Variants in NTPCR observed in about 807,000 individuals in gnomAD.
NTPCR encodes the protein cancer-related nucleoside-triphosphatase.
A neutral mutation model predicts 19.5 loss-of-function variants in NTPCR; 15 were observed. That is an observed-to-expected ratio of 0.77 (90% CI 0.51 to 1.18). The LOEUF (loss-of-function observed/expected upper bound fraction) is 1.18, where lower values mean the gene tolerates loss of function less well. Among genes scored for constraint, NTPCR ranks in the 50% most tolerant of loss-of-function variants. NTPCR has a pLI of 0.00. For synonymous variants in NTPCR, 90 were observed against 95.8 expected (o/e 0.94, Z 0.36); for missense variants, 206 against 240.4 (o/e 0.86, Z 0.95).
chr1:232,961,709 C>T (rs12027562), intron 3 of NTPCR, among the ~76,000 whole-genome samples: 41,346 of 151,884 alleles, frequency 0.27, 5,700 homozygotes, highest in African/African-American at 0.32. Flanking sequence ...TATATTTCTT[C>T]TTCTGCATGC....
intron 1 of NTPCR, among the ~76,000 whole-genome samples, chr1:232,951,588 C>T (rs1668367657): frequency 6.6e-6 from 1 of 152,214 alleles, no homozygotes; most frequent in African/African-American, 2.4e-5. Flanking sequence ...ATTTCTTCAG[C>T]TCCTTTGCAA....
chr1:232,956,891 G>A (rs970519836), intron 3 of NTPCR, among the ~76,000 whole-genome samples: 1 of 152,054 alleles, frequency 6.6e-6, no homozygotes, highest in African/African-American at 2.4e-5. Context: ...AAACTTTATT[G>A]ACATCTTACG....
chr1:232,964,134 C>A (rs1558129957), intron 3 of NTPCR: 1 of 152,194 alleles, frequency 6.6e-6, no homozygotes, highest in Non-Finnish European at 1.5e-5. Context: ...GTTGTCACAT[C>A]TCCATAGCCT....
At position 232,955,504 on chromosome 1, in the gene NTPCR, G is replaced by A. The variant is rs1668483562; in HGVS notation, c.35-53G>A. 7 of 1,448,476 alleles carry A rather than the reference G, an allele frequency of 4.8e-6. No individual in the cohort carries two copies. In the East Asian group the frequency reaches 1.7e-4, roughly 36 times the overall value. The allele number at this position is 1,448,476 out of a possible 1,614,324, so 89.7% of individuals were successfully genotyped here. On this transcript the variant is annotated intron_variant, in intron 1 of 4. Transcript: ENST00000366628. ...CAAGTGCTGTGTGTGCTCTAGTAAG[G>A]GAATGTTTCCTAATGGGCTTTTCTT... is the stretch of plus-strand genomic sequence containing the variant.
intron 3 of NTPCR, chr1:232,962,985 C>A (rs1317073134): frequency 6.6e-6 from 1 of 152,152 alleles, no homozygotes; most frequent in Non-Finnish European, 1.5e-5. Context: ...TGTAGAAAAA[C>A]CAAGTTCTAG....
chr1:232,970,200 G>C, intron 4 of NTPCR, 82 bp downstream of exon 4: 2 of 1,154,430 alleles, frequency 1.7e-6, no homozygotes. Flanking sequence ...TATCTCTTTG[G>C]TTTTGAGTTA....
At position 232,983,382 on chromosome 1, in the gene NTPCR, A is replaced by T. The variant is rs775048761; in HGVS notation, c.*5151A>T. 2.6e-5 allele frequency: 4 copies of T among 152,232 alleles called. No individual in the cohort carries two copies. The highest frequency in any genetic ancestry group is 4.4e-5 in the Non-Finnish European group (3 of 68,046). 9.4% of individuals were successfully genotyped at this position (152,232 alleles called of 1,614,324 possible). ...AAATGTCGTTCTCACCATAAAAGAT[A>T]TACTTGTAGAAATGAGAAGCTTCAG... is the stretch of plus-strand genomic sequence containing the variant. On this transcript the variant is annotated 3_prime_UTR_variant, in exon 5 of 5. Transcript: ENST00000366628.
intron 3 of NTPCR, among the ~76,000 whole-genome samples, chr1:232,957,309 G>A (rs1336489040): frequency 6.6e-6 from 1 of 152,160 alleles, no homozygotes; most frequent in Non-Finnish European, 1.5e-5. Context: ...ATTCACTAGA[G>A]AAGCCATGTG....
At chr1:232,976,303 T>C in intron 4 of NTPCR, 1 of 1,447,772 alleles carries the variant, frequency 6.9e-7, no homozygotes, top group South Asian at 1.5e-5. Flanking sequence ...CTCTTCTAGC[T>C]ATCTTGAAAT....
At chr1:232,977,830 A>G (rs1455756645) in intron 4 of NTPCR, among the ~76,000 whole-genome samples, 2 of 152,236 alleles carry the variant, frequency 1.3e-5, no homozygotes, top group East Asian at 3.9e-4. Context: ...CATTCAGGAC[A>G]GGTCGTGCTC....
intron 3 of NTPCR, chr1:232,967,118 A>G (rs1286532757): frequency 6.6e-6 from 1 of 152,204 alleles, no homozygotes; most frequent in Non-Finnish European, 1.5e-5. Context: ...GTCTCTATCA[A>G]TTTAGAACAA....
At chr1:232,964,967 T>C (rs1668773082) in intron 3 of NTPCR, 1 of 152,232 alleles carries the variant, frequency 6.6e-6, no homozygotes, top group Non-Finnish European at 1.5e-5. Context: ...TCTTCCACCG[T>C]CTTCTCGGGG....
chr1:232,961,366 A>AG (rs1456335325), intron 3 of NTPCR, among the ~76,000 whole-genome samples: 1 of 152,232 alleles, frequency 6.6e-6, no homozygotes, highest in East Asian at 1.9e-4. Flanking sequence ...TCCCACTGCC[A>AG]GGGTGTGAGT....
intron 4 of NTPCR, chr1:232,977,663 T>C (rs1407393853): frequency 6.5e-6 from 1 of 154,522 alleles, no homozygotes; most frequent in Non-Finnish European, 1.4e-5. Flanking sequence ...CACTTCTCCA[T>C]GTTTCAAATG....
chr1:232,964,139 T>C (rs1316914814), intron 3 of NTPCR: 2 of 152,350 alleles, frequency 1.3e-5, no homozygotes, highest in East Asian at 3.9e-4. Flanking sequence ...CACATCTCCA[T>C]AGCCTCCGTT....
Position 232,955,543 on chromosome 1 carries a change from T to TA in NTPCR, c.35-14_35-13insA, listed in dbSNP as rs757548179. ...TGGGCTTTTCTTCTTTTTTTTTTTT[T>TA]TTTTTTATTTTAGGAGTTGGAAAAA... On this transcript the variant is annotated splice_polypyrimidine_tract_variant and intron_variant, in intron 1 of 4. Transcript: ENST00000366628. 14 of 1,492,562 alleles carry TA rather than the reference T, an allele frequency of 9.4e-6. No homozygotes were observed. The African/African-American group carries it at 1.4e-4, about 15-fold the overall frequency. The allele number at this position is 1,492,562 out of a possible 1,614,324, so 92.5% of individuals were successfully genotyped here. A position where few individuals can be genotyped will look rare whatever the true frequency, so the allele number is the denominator to read the frequency against.
At chr1:232,967,318 G>A (rs567351213) in intron 3 of NTPCR, 2 of 152,192 alleles carry the variant, frequency 1.3e-5, no homozygotes, top group Non-Finnish European at 2.9e-5. Context: ...CTCAGCAGCT[G>A]ACATCTTTCT....
chr1:232,964,863 A>T (rs1424354459), intron 3 of NTPCR: 2 of 152,222 alleles, frequency 1.3e-5, no homozygotes, highest in Non-Finnish European at 2.9e-5. Context: ...TTAAATATTG[A>T]TGAAAATTTT....
rs1668930872 is a variant in NTPCR, at chr1:232,969,997, C to T, written c.383C>T (p.Ala128Val). Reference protein sequence around the residue: ...MELFSQLFIQAVRQTLSTPGT... With the variant: ...MELFSQLFIQVVRQTLSTPGT... ...CTCTTCAGTCAGCTTTTCATTCAAG[C>T]TGTTCGTCAGACGCTGTCTACCCCA... is the stretch of plus-strand genomic sequence containing the variant. The change falls in exon 4 of 5, where the codon GCT becomes GTT. Residue 128 changes from alanine (A) to valine (V), a missense_variant. Ala to Val is a moderately conservative substitution (Grantham distance 64, BLOSUM62 0). Transcript: ENST00000366628. The T allele has an allele frequency of 1.9e-6, 3 of 1,614,168 alleles. No homozygotes were observed. The highest frequency in any genetic ancestry group is 1.7e-6 in the Non-Finnish European group (2 of 1,179,996).
Sources: allele counts gnomAD v4.1 joint callset (sites outside exome capture counted in the v4.1 genomes callset), GRCh38; gene constraint gnomAD v4.1.1; transcripts MANE v1.5; gene names NCBI Gene and HGNC (gene_info 2026-07-23, HGNC 2026-07-21).